Variants in ARHGAP23 observed in about 807,000 individuals in gnomAD.
ARHGAP23 encodes the protein rho GTPase-activating protein 23.
In ARHGAP23, 34 loss-of-function variants were observed where a neutral mutation model predicts 136.3. That is an observed-to-expected ratio of 0.25 (90% CI 0.19 to 0.33). ARHGAP23 has a LOEUF of 0.33. Ranked by LOEUF, ARHGAP23 falls within the 10% of genes least tolerant of loss-of-function variation. The pLI, the probability that ARHGAP23 is intolerant of heterozygous loss-of-function variation, is 1.00. For synonymous variants in ARHGAP23, 832 were observed against 920.5 expected (o/e 0.90, Z 1.74); for missense variants, 1,808 against 2,139.0 (o/e 0.85, Z 3.05).
Position 38,469,101 on chromosome 17 carries a change from C to T in ARHGAP23, c.1649-43C>T, listed in dbSNP as rs1049260438. 32 of 1,512,278 alleles carry T rather than the reference C, an allele frequency of 2.1e-5. No homozygotes were observed. The East Asian group carries it at 2.5e-4, about 12-fold the overall frequency. The allele number at this position is 1,512,278 out of a possible 1,614,324, so 93.7% of individuals were successfully genotyped here. A position where few individuals can be genotyped will look rare whatever the true frequency, so the allele number is the denominator to read the frequency against. On this transcript the variant is annotated intron_variant, in intron 7 of 23. Transcript: ENST00000622683. ...GGCTAGGGTGGAGGCAGGCAGGCTCCGCTGTCTGCTGCCTTCACACCTTTC... is the reference window on the plus strand; with the variant it reads ...GGCTAGGGTGGAGGCAGGCAGGCTCTGCTGTCTGCTGCCTTCACACCTTTC...
chr17:38,432,850 C>G (rs1187634517), intron 1 of ARHGAP23, among the ~76,000 whole-genome samples: 1 of 152,142 alleles, frequency 6.6e-6, no homozygotes, highest in East Asian at 1.9e-4. Context: ...CCAAACGAAA[C>G]AAAAAAGCTC....
intron 1 of ARHGAP23, among the ~76,000 whole-genome samples, chr17:38,444,528 G>A (rs1298958947): frequency 6.6e-6 from 1 of 152,126 alleles, no homozygotes; most frequent in Non-Finnish European, 1.5e-5. Flanking sequence ...AGTTCCTGCC[G>A]GCAGCCTTGG....
At chr17:38,488,200 A>G (rs2040199197) in intron 17 of ARHGAP23, among the ~76,000 whole-genome samples, 1 of 152,114 alleles carries the variant, frequency 6.6e-6, no homozygotes, top group African/African-American at 2.4e-5. Context: ...GAGCCACCTC[A>G]CCCAGACAGC....
At position 38,466,515 on chromosome 17, in the gene ARHGAP23, C is replaced by T; in HGVS notation, c.832C>T (p.Pro278Ser). 8.1e-6 allele frequency: 12 copies of T among 1,481,726 alleles called. No individual in the cohort carries two copies. The highest frequency in any genetic ancestry group is 8.9e-6 in the Non-Finnish European group (10 of 1,118,738). The allele number at this position is 1,481,726 out of a possible 1,614,324, so 91.8% of individuals were successfully genotyped here. ...RAFPEPGSRV[P>S]PSRLECQQAL... ...CTTCCCAGAGCCTGGCAGCCGGGTG[C>T]CCCCCAGCAGACTGGAGTGCCAGCA... The change falls in exon 7 of 24, where the codon CCC (proline) becomes TCC (serine). Residue 278 changes from proline (P) to serine (S), a missense_variant. Transcript: ENST00000622683.
chr17:38,477,876 A>G lies in ARHGAP23; in HGVS notation c.2416A>G (p.Asn806Asp), dbSNP rs1597813311. The change falls in exon 12 of 24, where the codon AAC becomes GAC. Residue 806 changes from asparagine to aspartate, a missense_variant. Asn to Asp is a conservative substitution (Grantham distance 23). Transcript: ENST00000622683. This position sits in a 1 kb window ranked among gnomAD's most constrained non-coding sequence, Gnocchi z 6.6. ...MLGWIRAIRENSRAEGEDPGC... is the reference protein window; with the variant it reads ...MLGWIRAIREDSRAEGEDPGC... ...GGGCTGGATCAGAGCGATCCGGGAGAACAGCAGGGCCGAGGGCGAGGTGAG... is the reference window on the plus strand; with the variant it reads ...GGGCTGGATCAGAGCGATCCGGGAGGACAGCAGGGCCGAGGGCGAGGTGAG... 4 of 1,548,216 alleles carry G rather than the reference A, an allele frequency of 2.6e-6. No individual in the cohort carries two copies. Among genetic ancestry groups the G allele is most frequent in the Non-Finnish European group, 1.7e-6 (2 of 1,146,412 alleles).
chr17:38,471,682 G>A (rs896162830), intron 10 of ARHGAP23, among the ~76,000 whole-genome samples, 181 bp from the exon 11 acceptor site: 2 of 152,162 alleles, frequency 1.3e-5, no homozygotes, highest in African/African-American at 2.4e-5. Context: ...CTTTATGTAC[G>A]TCTCATGACC....
intron 6 of ARHGAP23, among the ~76,000 whole-genome samples, chr17:38,465,613 C>G (rs1182952241): frequency 6.6e-6 from 1 of 152,256 alleles, no homozygotes; most frequent in Non-Finnish European, 1.5e-5. Flanking sequence ...CTCAAGTCCC[C>G]TCCTTCAAGC....
chr17:38,505,275 T>TCAACATGGG (rs2040609390), intron 23 of ARHGAP23, among the ~76,000 whole-genome samples: 1 of 151,986 alleles, frequency 6.6e-6, no homozygotes, highest in Non-Finnish European at 1.5e-5. Context: ...CCCAAAGTGC[T>TCAACATGGG]GAGATTACAG....
At chr17:38,500,362 G>A (rs1349435695) in intron 22 of ARHGAP23, 1 of 560,134 alleles carries the variant, frequency 1.8e-6, no homozygotes, top group African/African-American at 1.9e-5. Context: ...GTGGCTGGCA[G>A]CCTGATGTCA....
chr17:38,484,403 T>C (rs2040115492), intron 16 of ARHGAP23, among the ~76,000 whole-genome samples: 1 of 151,514 alleles, frequency 6.6e-6, no homozygotes, highest in Non-Finnish European at 1.5e-5. Flanking sequence ...TTGCATGGGG[T>C]GAGGGCATAA....
intron 23 of ARHGAP23, among the ~76,000 whole-genome samples, chr17:38,508,091 G>C (rs2040674590): frequency 6.6e-6 from 1 of 152,260 alleles, no homozygotes; most frequent in African/African-American, 2.4e-5. Context: ...TATGTGCCAT[G>C]CAGAAACAAC....
chr17:38,447,955 C>G (rs919783078), intron 1 of ARHGAP23, among the ~76,000 whole-genome samples: 1 of 152,198 alleles, frequency 6.6e-6, no homozygotes, highest in African/African-American at 2.4e-5. Flanking sequence ...TTTCCCCTTC[C>G]TCTGTTGTCC....
chr17:38,506,491 G>A lies in ARHGAP23; in HGVS notation c.3448-3453G>A, dbSNP rs548325705. ...TAAAATGCCATAGCTAGGTGCCTCAGACAACAGAAATTGATTTTCTCACAG... is the reference window on the plus strand; with the variant it reads ...TAAAATGCCATAGCTAGGTGCCTCAAACAACAGAAATTGATTTTCTCACAG... On this transcript the variant is annotated intron_variant, in intron 23 of 23. Transcript: ENST00000622683. Among the ~76,000 whole-genome samples, 6 of 152,306 alleles carry A rather than the reference G, an allele frequency of 3.9e-5. No individual in the cohort carries two copies. In the South Asian group the frequency reaches 6.2e-4, roughly 16 times the overall value.
In ARHGAP23 at chr17:38,510,585, C is replaced by T. The variant is rs1265884513; in HGVS notation, c.4089C>T (p.Ala1363=). The T allele has an allele frequency of 1.6e-5, 20 of 1,273,738 alleles. No homozygotes were observed. Among genetic ancestry groups the T allele is most frequent in the Middle Eastern group, 3.0e-4 (1 of 3,330 alleles). The allele number at this position is 1,273,738 out of a possible 1,614,324, so 78.9% of individuals were successfully genotyped here. Residue 1363 remains alanine, a synonymous_variant, in exon 24 of 24, where the codon GCC becomes GCT. Coordinates refer to ENST00000622683, the MANE Select transcript of ARHGAP23 (RefSeq NM_001199417.2). This position sits in a 1 kb window ranked among gnomAD's most constrained non-coding sequence, Gnocchi z 4.6. ...TGCGGCCCCCGGCGGCGGCGCTGGCCTCCCGGCCCTCGCGCATGGAGGCGC... is the reference window on the plus strand; with the variant it reads ...TGCGGCCCCCGGCGGCGGCGCTGGCTTCCCGGCCCTCGCGCATGGAGGCGC... The part of the protein sequence containing the change: ...ESLRPPAAAL[A]SRPSRMEALR...
Position 38,490,497 on chromosome 17 carries a change from C to G in ARHGAP23, c.3096C>G (p.Leu1032=), listed in dbSNP as rs1198448189. 2 of 1,549,450 alleles carry G rather than the reference C, an allele frequency of 1.3e-6. No homozygotes were observed. The highest frequency in any genetic ancestry group is 2.0e-5 in the Admixed American group (1 of 51,008). The change falls in exon 19 of 24, where the codon CTC becomes CTG. Residue 1032 remains leucine, a synonymous_variant. Transcript: ENST00000622683. The stretch of plus-strand genomic sequence containing the variant: ...TCCCAGGACACTACTATGAAACGCT[C>G]AAATTCCTTGTGGGCCATCTCAAGA... ...RDLPGHYYET[L]KFLVGHLKTI...
rs181419260 is a variant in ARHGAP23, at chr17:38,474,954, G to A, written c.2119-2625G>A. On this transcript the variant is annotated intron_variant, in intron 11 of 23. Transcript: ENST00000622683. The stretch of plus-strand genomic sequence containing the variant: ...AGGGTGGCTGGCTCCCCCTGCCGGG[G>A]AGCCTGACCCTCAGCTCCTGGGGGC... 4.8e-3 allele frequency among the ~76,000 whole-genome samples: 731 copies of A among 152,282 alleles called. 5 individuals are homozygous for A. The highest frequency in any genetic ancestry group is 0.017 in the African/African-American group (702 of 41,556).
chr17:38,433,468 C>T (rs1223464810), intron 1 of ARHGAP23, among the ~76,000 whole-genome samples: 1 of 152,176 alleles, frequency 6.6e-6, no homozygotes, highest in African/African-American at 2.4e-5. Context: ...AGAAAGTGAC[C>T]TGCCTCTGGA....
chr17:38,466,447 G>T lies in ARHGAP23; in HGVS notation c.764G>T (p.Gly255Val), dbSNP rs1313171372. Reference protein sequence around the residue: ...LGMSQPRPSPGAFPHLSSEPR... With the variant: ...LGMSQPRPSPVAFPHLSSEPR... ...ATGAGCCAGCCCCGCCCCAGCCCTG[G>T]TGCCTTCCCCCACCTCTCCTCGGAG... Residue 255 changes from glycine to valine, a missense_variant, in exon 7 of 24, where the codon GGT becomes GTT. By Grantham distance (109) the Gly-to-Val change is moderately radical. Transcript: ENST00000622683. 2 of 1,525,170 alleles carry T rather than the reference G, an allele frequency of 1.3e-6. No homozygotes were observed. Among genetic ancestry groups the T allele is most frequent in the Admixed American group, 4.0e-5 (2 of 49,896 alleles). 94.5% of individuals were successfully genotyped at this position (1,525,170 alleles called of 1,614,324 possible). A position where few individuals can be genotyped will look rare whatever the true frequency, so the allele number is the denominator to read the frequency against.
rs981984382 is a variant in ARHGAP23, at chr17:38,428,507, C to T, written c.22C>T (p.Leu8=). The T allele has an allele frequency of 2.0e-5, 29 of 1,457,154 alleles. No individual in the cohort carries two copies. The African/African-American group carries it at 2.9e-4, about 15-fold the overall frequency. The allele number at this position is 1,457,154 out of a possible 1,614,324, so 90.3% of individuals were successfully genotyped here. MNGVAFC[L]VGIPPRPEPR... ...CCCGATGAATGGAGTCGCCTTCTGC[C>T]TGGTCGGGATCCCGCCCCGCCCGGA... Residue 8 remains leucine (L), a synonymous_variant, in exon 1 of 24, where the codon CTG becomes TTG. Transcript: ENST00000622683.
Sources: gnomAD v4.1 joint callset for allele counts (sites outside exome capture counted in the v4.1 genomes callset) on GRCh38, gnomAD v4.1.1 for gene constraint, Gnocchi (gnomAD v3.1) non-coding constraint, MANE v1.5 for transcripts, NCBI Gene and HGNC (gene_info 2026-07-23, HGNC 2026-07-21) for gene names.